The following HPCA variants were observed in gnomAD, a reference collection of about 807,000 sequenced individuals.
HPCA encodes hippocalcin.
HPCA carries 4 observed loss-of-function variants against 18.2 expected under a neutral mutation model. That is an observed-to-expected ratio of 0.22 (90% CI 0.11 to 0.50). The LOEUF is 0.50. HPCA is among the 20% of genes least tolerant of loss of function. The pLI is 0.97. For missense variants in HPCA, 161 were observed against 265.8 expected (o/e 0.61, Z 2.74); for synonymous variants, 93 against 103.5 (o/e 0.90, Z 0.61).
At chr1:32,887,278 G>T (rs1641386469) in intron 1 of HPCA, among the ~76,000 whole-genome samples, 1 of 152,310 alleles carries the variant, frequency 6.6e-6, no homozygotes, top group African/African-American at 2.4e-5. Context: ...TGAGGCACAT[G>T]CAGGGACATA....
rs746872688 is a variant in HPCA at position 32,893,863 on chromosome 1, G to C, written c.*1G>C. 6.4e-7 allele frequency: 1 copy of C among 1,559,466 alleles called. No individual in the cohort carries two copies. ...CCCCAGCAGCGCCTCCCAGTTCTGAGAGGAGCCAGGTTCCCCTTCCTCCCT... is the reference window on the plus strand; with the variant it reads ...CCCCAGCAGCGCCTCCCAGTTCTGACAGGAGCCAGGTTCCCCTTCCTCCCT... On this transcript the variant is annotated 3_prime_UTR_variant, in exon 4 of 4. Transcript: ENST00000373467. The surrounding 1 kb of genome is among the most constrained non-coding windows in gnomAD (Gnocchi z 7.5).
intron 2 of HPCA, among the ~76,000 whole-genome samples, chr1:32,891,291 A>G (rs1179820345): frequency 1.3e-5 from 2 of 152,242 alleles, no homozygotes; most frequent in African/African-American, 4.8e-5. Context: ...ATGAGTAAGC[A>G]GCAATTCCAG....
At position 32,893,379 on chromosome 1, in the gene HPCA, C is replaced by T; in HGVS notation, c.379-145C>T. 1.6e-6 allele frequency: 1 copy of T among 637,782 alleles called. No individual in the cohort carries two copies. Among genetic ancestry groups the T allele is most frequent in the Non-Finnish European group, 2.8e-6 (1 of 352,330 alleles). 39.5% of individuals were successfully genotyped at this position (637,782 alleles called of 1,614,324 possible). A position where few individuals can be genotyped will look rare whatever the true frequency, so the allele number is the denominator to read the frequency against. On this transcript the variant is annotated intron_variant, in intron 2 of 3. Transcript: ENST00000373467. The surrounding 1 kb of genome is among the most constrained non-coding windows in gnomAD (Gnocchi z 7.5). ...CCCGGACACGCCTTCCCGAAGCCCT[C>T]GGCTCCCCACGCCTCCGTGATTCCC...
Position 32,893,833 on chromosome 1 carries a change from T to G in HPCA, c.553T>G (p.Cys185Gly). Residue 185 changes from cysteine to glycine, a missense_variant, in exon 4 of 4, where the codon TGC becomes GGC. Coordinates refer to ENST00000373467, the MANE Select transcript of HPCA (RefSeq NM_002143.3). This position sits in a 1 kb window ranked among gnomAD's most constrained non-coding sequence, Gnocchi z 7.5. ...SDPSIVRLLQ[C>G]DPSSASQF ...CCCGTCCATCGTGCGTCTGCTGCAGTGCGACCCCAGCAGCGCCTCCCAGTT... is the reference window on the plus strand; with the variant it reads ...CCCGTCCATCGTGCGTCTGCTGCAGGGCGACCCCAGCAGCGCCTCCCAGTT... 3.2e-6 allele frequency: 5 copies of G among 1,577,376 alleles called. No individual in the cohort carries two copies. The highest frequency in any genetic ancestry group is 4.3e-6 in the Non-Finnish European group (5 of 1,162,424).
chr1:32,887,684 C>G lies in HPCA; in HGVS notation c.-22+1169C>G, dbSNP rs568914756. 2.6e-5 allele frequency among the ~76,000 whole-genome samples: 4 copies of G among 152,274 alleles called. No homozygotes were observed. In the East Asian group the frequency reaches 5.8e-4, roughly 22 times the overall value. On this transcript the variant is annotated intron_variant, in intron 1 of 3. Coordinates refer to ENST00000373467, the MANE Select transcript of HPCA (RefSeq NM_002143.3). ...GGACCTGGCAGCACCCCTGGGAAAA[C>G]AGAAGGAAAACAAAGAAAAATGGCA... is the stretch of plus-strand genomic sequence containing the variant.
Position 32,893,792 on chromosome 1 carries a change from G to T in HPCA, c.512G>T (p.Arg171Leu). 6.3e-7 allele frequency: 1 copy of T among 1,579,768 alleles called. No individual in the cohort carries two copies. The highest frequency in any genetic ancestry group is 8.6e-7 in the Non-Finnish European group (1 of 1,163,758). Residue 171 changes from arginine (R) to leucine (L), a missense_variant, in exon 4 of 4, where the codon CGC becomes CTC. Arg to Leu is a moderately radical substitution (Grantham distance 102). Coordinates refer to ENST00000373467, the MANE Select transcript of HPCA (RefSeq NM_002143.3). The surrounding 1 kb of genome is among the most constrained non-coding windows in gnomAD (Gnocchi z 7.5). ...AAGCTGTCCTTGGAGGAGTTCATCC[G>T]CGGGGCCAAAAGCGACCCGTCCATC... ...DGKLSLEEFI[R>L]GAKSDPSIVR...
At chr1:32,891,363 T>C (rs1570020454) in intron 2 of HPCA, among the ~76,000 whole-genome samples, 1 of 152,236 alleles carries the variant, frequency 6.6e-6, no homozygotes, top group East Asian at 1.9e-4. Flanking sequence ...GGCCCAGTTC[T>C]TCTCAAGACC....
Position 32,893,587 on chromosome 1 carries a change from A to G in HPCA, c.442A>G (p.Arg148Gly). Residue 148 changes from arginine to glycine, a missense_variant, in exon 3 of 4, where the codon AGG (arginine) becomes GGG (glycine). Coordinates refer to ENST00000373467, the MANE Select transcript of HPCA (RefSeq NM_002143.3). The surrounding 1 kb of genome is among the most constrained non-coding windows in gnomAD (Gnocchi z 7.5). Reference sequence around the variant, plus strand: ...GGAGGACGAGTCGACCCCGGAAAAGAGGACTGAGAAAATCTTCCGCCAAAT... The same window carrying G: ...GGAGGACGAGTCGACCCCGGAAAAGGGGACTGAGAAAATCTTCCGCCAAAT... ...MPEDESTPEK[R>G]TEKIFRQMDT... The G allele has an allele frequency of 1.2e-6, 2 of 1,611,486 alleles. No individual in the cohort carries two copies. The highest frequency in any genetic ancestry group is 1.7e-6 in the Non-Finnish European group (2 of 1,178,718).
Position 32,889,240 on chromosome 1 carries a change from C to T in HPCA, c.342C>T (p.Gly114=), listed in dbSNP as rs1455999413. ...GCATGTATGACCTGGACGGCAACGG[C>T]TACATCAGCCGGGAGGAGATGCTGG... is the stretch of plus-strand genomic sequence containing the variant. ...AFSMYDLDGN[G]YISREEMLEI... The change falls in exon 2 of 4, where the codon GGC becomes GGT. Residue 114 remains glycine, a synonymous_variant. Transcript: ENST00000373467. This position sits in a 1 kb window ranked among gnomAD's most constrained non-coding sequence, Gnocchi z 4.6. 5.6e-6 allele frequency: 9 copies of T among 1,613,890 alleles called. No homozygotes were observed. Among genetic ancestry groups the T allele is most frequent in the Non-Finnish European group, 7.6e-6 (9 of 1,179,890 alleles).
chr1:32,893,508 C>A lies in HPCA; in HGVS notation c.379-16C>A, dbSNP rs200141644. ...GGCAGGCTCCTCTCACTCCCCGCCT[C>A]CCCTCCCGCCCCCAGGCCATTTACA... On this transcript the variant is annotated splice_polypyrimidine_tract_variant and intron_variant, in intron 2 of 3. Transcript: ENST00000373467. This position sits in a 1 kb window ranked among gnomAD's most constrained non-coding sequence, Gnocchi z 7.5. 134 of 1,573,204 alleles carry A rather than the reference C, an allele frequency of 8.5e-5. No individual in the cohort carries two copies. In the Admixed American group the frequency reaches 2.2e-3, roughly 26 times the overall value.
At position 32,894,556 on chromosome 1, in the gene HPCA, T is replaced by G; in HGVS notation, c.*694T>G. The G allele has an allele frequency of 3.3e-6, 1 of 304,588 alleles. No individual in the cohort carries two copies. The highest frequency in any genetic ancestry group is 6.5e-6 in the Non-Finnish European group (1 of 154,924). The allele number at this position is 304,588 out of a possible 1,614,324, so 18.9% of individuals were successfully genotyped here. The stretch of plus-strand genomic sequence containing the variant: ...CCCTGGCTGAGCCCCTGTCCTCCCC[T>G]CTGTCCCCCCAACCGCCCCCCCTGC... On this transcript the variant is annotated 3_prime_UTR_variant, in exon 4 of 4. Coordinates refer to ENST00000373467, the MANE Select transcript of HPCA (RefSeq NM_002143.3).
upstream of HPCA, chr1:32,886,291 G>T (rs1469072141): frequency 6.6e-6 from 1 of 152,140 alleles, no homozygotes; most frequent in Non-Finnish European, 1.5e-5. The surrounding 1 kb of genome is among the most constrained non-coding windows in gnomAD (Gnocchi z 7.0). Flanking sequence ...AGGGGGACCG[G>T]GGAACTGAGG....
At chr1:32,888,360 G>T (rs1286303880) in intron 1 of HPCA, among the ~76,000 whole-genome samples, 2 of 152,176 alleles carry the variant, frequency 1.3e-5, no homozygotes, top group East Asian at 1.9e-4. Context: ...TGGGCTGCGG[G>T]TATATTCAGT....
chr1:32,891,961 T>G (rs896599521), intron 2 of HPCA, among the ~76,000 whole-genome samples: 1 of 152,216 alleles, frequency 6.6e-6, no homozygotes, highest in Non-Finnish European at 1.5e-5. Flanking sequence ...TGAGCCTCAG[T>G]TTCTTATCTG....
At chr1:32,887,532 C>T (rs1243199373) in intron 1 of HPCA, among the ~76,000 whole-genome samples, 2 of 152,108 alleles carry the variant, frequency 1.3e-5, no homozygotes, top group African/African-American at 4.8e-5. Flanking sequence ...ATCTAACCTG[C>T]ACTCAGGGGA....
Position 32,893,968 on chromosome 1 carries a change from T to G in HPCA, c.*106T>G. 1 of 883,152 alleles carries G rather than the reference T, an allele frequency of 1.1e-6. No individual in the cohort carries two copies. Among genetic ancestry groups the G allele is most frequent in the Non-Finnish European group, 1.8e-6 (1 of 566,616 alleles). The allele number at this position is 883,152 out of a possible 1,614,324, so 54.7% of individuals were successfully genotyped here. ...GCTGGGGGCCAGATTGGGGAAGCCCTTCTCCCCGGGTCTGCCCTGTGGGGG... is the reference window on the plus strand; with the variant it reads ...GCTGGGGGCCAGATTGGGGAAGCCCGTCTCCCCGGGTCTGCCCTGTGGGGG... On this transcript the variant is annotated 3_prime_UTR_variant, in exon 4 of 4. Coordinates refer to ENST00000373467, the MANE Select transcript of HPCA (RefSeq NM_002143.3). This position sits in a 1 kb window ranked among gnomAD's most constrained non-coding sequence, Gnocchi z 7.5.
chr1:32,888,358 G>A (rs1012130214), intron 1 of HPCA, among the ~76,000 whole-genome samples: 6 of 152,150 alleles, frequency 3.9e-5, no homozygotes, highest in Non-Finnish European at 7.4e-5. Flanking sequence ...TCTGGGCTGC[G>A]GGTATATTCA....
At position 32,889,018 on chromosome 1, in the gene HPCA, A is replaced by G. The variant is rs1441880307; in HGVS notation, c.120A>G (p.Thr40=). 1.9e-6 allele frequency: 3 copies of G among 1,614,222 alleles called. No individual in the cohort carries two copies. The highest frequency in any genetic ancestry group is 2.5e-6 in the Non-Finnish European group (3 of 1,180,042). Residue 40 remains threonine (T), a synonymous_variant, in exon 2 of 4, where the codon ACA becomes ACG. Coordinates refer to ENST00000373467, the MANE Select transcript of HPCA (RefSeq NM_002143.3). This position sits in a 1 kb window ranked among gnomAD's most constrained non-coding sequence, Gnocchi z 4.6. ...WYKGFLKDCP[T]GILNVDEFKK... Reference sequence around the variant, plus strand: ...AGGGCTTCCTCAAGGACTGCCCCACAGGAATCCTCAATGTGGATGAGTTCA... The same window carrying G: ...AGGGCTTCCTCAAGGACTGCCCCACGGGAATCCTCAATGTGGATGAGTTCA...
chr1:32,887,407 A>G (rs1641388423), intron 1 of HPCA, among the ~76,000 whole-genome samples: 1 of 152,172 alleles, frequency 6.6e-6, no homozygotes. Context: ...ACATGTATGC[A>G]CAAGGAGGCC....
Sources: gnomAD v4.1 joint callset for allele counts (sites outside exome capture counted in the v4.1 genomes callset) on GRCh38, gnomAD v4.1.1 for gene constraint, Gnocchi (gnomAD v3.1) non-coding constraint, MANE v1.5 for transcripts, NCBI Gene and HGNC (gene_info 2026-07-23, HGNC 2026-07-21) for gene names.